CCDC149: variants seen among roughly 807,000 people sequenced by gnomAD.
The protein encoded by CCDC149 is coiled-coil domain-containing protein 149.
A neutral mutation model predicts 59.9 loss-of-function variants in CCDC149; 45 were observed. That is an observed-to-expected ratio of 0.75 (90% CI 0.59 to 0.96). CCDC149 has a LOEUF of 0.96. Among genes scored for constraint, CCDC149 ranks in the 40% least tolerant of loss-of-function variants. The pLI is 0.00. For synonymous variants in CCDC149, 245 were observed against 260.6 expected, an observed-to-expected ratio of 0.94 and a Z score of 0.58; for missense variants, 584 against 664.7, an observed-to-expected ratio of 0.88 and a Z score of 1.33.
intron 4 of CCDC149, among the ~76,000 whole-genome samples, chr4:24,847,950 G>A (rs143279382): frequency 7.7e-4 from 117 of 152,318 alleles, no homozygotes; most frequent in African/African-American, 2.7e-3. Flanking sequence ...CAAATAGCTG[G>A]TTCAGGAGCA....
At chr4:24,868,060 G>A (rs1409596913) in intron 3 of CCDC149, among the ~76,000 whole-genome samples, 1 of 152,202 alleles carries the variant, frequency 6.6e-6, no homozygotes, top group Non-Finnish European at 1.5e-5. Flanking sequence ...CAGCTGGAGA[G>A]GTAAATACTT....
At position 24,906,371 on chromosome 4, in the gene CCDC149, T is replaced by TTTTATTTTTATTTTA. The variant is rs1391312933; in HGVS notation, c.63+6445_63+6446insTAAAATAAAAATAAA. On this transcript the variant is annotated intron_variant, in intron 1 of 12. Transcript: ENST00000635206. ...CTCAGGGGCAGCGGAACAAATTTTA[T>TTTTATTTTTATTTTA]TTTATTTTATTTTATTTTATTTTAT... is the stretch of plus-strand genomic sequence containing the variant. Among the ~76,000 whole-genome samples the TTTTATTTTTATTTTA allele has an allele frequency of 3.3e-3, 84 of 25,258 alleles. 10 individuals carry two copies. The highest frequency in any genetic ancestry group is 0.026 in the Middle Eastern group (1 of 38). 16.6% of individuals were successfully genotyped at this position (25,258 alleles called of 152,430 possible).
At chr4:24,876,960 C>T (rs756870327) in intron 1 of CCDC149, among the ~76,000 whole-genome samples, 1 of 152,102 alleles carries the variant, frequency 6.6e-6, no homozygotes, top group Non-Finnish European at 1.5e-5. Flanking sequence ...AATGGGTAAA[C>T]AGGTAGACAG....
chr4:24,868,053 C>T (rs1305315097), intron 3 of CCDC149, among the ~76,000 whole-genome samples: 1 of 152,224 alleles, frequency 6.6e-6, no homozygotes, highest in African/African-American at 2.4e-5. Flanking sequence ...TGCTTTGCAG[C>T]TGGAGAGGTA....
chr4:24,956,446 A>G (rs1723468175), intron 1 of CCDC149, among the ~76,000 whole-genome samples: 2 of 152,180 alleles, frequency 1.3e-5, no homozygotes, highest in Admixed American at 1.3e-4. Flanking sequence ...GAGCTAAACC[A>G]GACCTAGGTA....
chr4:24,945,947 A>C (rs1172056400), intron 1 of CCDC149, among the ~76,000 whole-genome samples: 2 of 152,202 alleles, frequency 1.3e-5, no homozygotes, highest in Non-Finnish European at 2.9e-5. Flanking sequence ...ATATCAAGTG[A>C]TGCTGATGCT....
intron 1 of CCDC149, among the ~76,000 whole-genome samples, chr4:24,890,233 T>C (rs1270256207): frequency 6.6e-6 from 1 of 152,216 alleles, no homozygotes; most frequent in East Asian, 1.9e-4. Context: ...TTTTGAAGCC[T>C]ACTCAGTCCT....
intron 2 of CCDC149, among the ~76,000 whole-genome samples, chr4:24,874,255 TTTTTGTTTTGTTTTTTTTTG>T (rs772221082): frequency 0.13 from 10,709 of 80,478 alleles, 779 homozygotes; most frequent in Non-Finnish European, 0.15. Context: ...TTTTTTTTTT[TTTTTGTTTTGTTTTTTTTTG>T]TTTTTTTGCC....
At chr4:24,952,725 A>G (rs1182820227) in intron 1 of CCDC149, among the ~76,000 whole-genome samples, 2 of 145,540 alleles carry the variant, frequency 1.4e-5, no homozygotes, top group Non-Finnish European at 3.0e-5. Flanking sequence ...TGTGCAATTC[A>G]TTGATATTAA....
intron 1 of CCDC149, among the ~76,000 whole-genome samples, chr4:24,910,198 C>T (rs552377882): frequency 1.3e-3 from 202 of 152,314 alleles, no homozygotes; most frequent in African/African-American, 4.7e-3. Context: ...CCAATCTCTA[C>T]CTTTGTCTTC....
chr4:24,971,635 T>A (rs2109367768), intron 1 of CCDC149, among the ~76,000 whole-genome samples: 1 of 152,328 alleles, frequency 6.6e-6, no homozygotes, highest in Non-Finnish European at 1.5e-5. Flanking sequence ...ATTCCTCGAA[T>A]GTTTTCCCAG....
intron 1 of CCDC149, among the ~76,000 whole-genome samples, chr4:24,960,579 A>G (rs1376626846): frequency 1.3e-5 from 2 of 152,216 alleles, no homozygotes; most frequent in African/African-American, 2.4e-5. Flanking sequence ...TGCCATGTTA[A>G]CAATAATTTT....
chr4:24,825,027 G>A (rs1273933977), intron 9 of CCDC149, among the ~76,000 whole-genome samples: 1 of 152,224 alleles, frequency 6.6e-6, no homozygotes, highest in Non-Finnish European at 1.5e-5. Context: ...AGGGAGAGAA[G>A]AGGGGCTATT....
In CCDC149 at chr4:24,919,335, C is replaced by T. The variant is rs575826196; in HGVS notation, c.-64-24217G>A. ...CAAGAAGCTTAATACTGCAGAAACA[C>T]AGAGAGACACCACAGAATTGGACTC... On this transcript the variant is annotated intron_variant, in intron 1 of 12. Transcript: ENST00000389609. 3.3e-5 allele frequency among the ~76,000 whole-genome samples: 5 copies of T among 152,248 alleles called. No homozygotes were observed. The East Asian group carries it at 7.7e-4, about 24-fold the overall frequency.
chr4:24,945,132 A>G (rs1723071218), intron 1 of CCDC149, among the ~76,000 whole-genome samples: 1 of 152,168 alleles, frequency 6.6e-6, no homozygotes, highest in African/African-American at 2.4e-5. Context: ...AGGCTTGTTG[A>G]CCCAGTAGGT....
At chr4:24,973,391 CAT>C (rs765229180) in intron 1 of CCDC149, among the ~76,000 whole-genome samples, 152 of 152,302 alleles carry the variant, frequency 1.0e-3, no homozygotes, top group Admixed American at 1.6e-3. Context: ...TGGGTGTACA[CAT>C]ATGTCAAAAC....
At chr4:24,920,731 C>G (rs1460309253) in intron 1 of CCDC149, among the ~76,000 whole-genome samples, 2 of 152,252 alleles carry the variant, frequency 1.3e-5, no homozygotes, top group Non-Finnish European at 2.9e-5. Flanking sequence ...AATTATTCTT[C>G]TATGTCCTGT....
intron 1 of CCDC149, among the ~76,000 whole-genome samples, chr4:24,976,536 C>T (rs1412422615): frequency 6.6e-6 from 1 of 152,074 alleles, no homozygotes; most frequent in Non-Finnish European, 1.5e-5. Context: ...AACATGGTGA[C>T]ACTCCATCTC....
At chr4:24,944,251 G>T (rs1723037797) in intron 1 of CCDC149, among the ~76,000 whole-genome samples, 1 of 152,142 alleles carries the variant, frequency 6.6e-6, no homozygotes, top group Non-Finnish European at 1.5e-5. Flanking sequence ...CCTTTGTAGG[G>T]ACATGGATGA....
Sources: gnomAD v4.1 joint callset for allele counts (sites outside exome capture counted in the v4.1 genomes callset) on GRCh38, gnomAD v4.1.1 for gene constraint, MANE v1.5 for transcripts, NCBI Gene and HGNC (gene_info 2026-07-23, HGNC 2026-07-21) for gene names.